The following FRAS1 variants were observed in gnomAD, a reference collection of about 807,000 sequenced individuals.
The protein encoded by FRAS1 is Fraser extracellular matrix complex subunit 1, also known as extracellular matrix organizing protein FRAS1.
A neutral mutation model predicts 435.2 loss-of-function variants in FRAS1; 290 were observed. That is an observed-to-expected ratio of 0.67 (90% CI 0.61 to 0.73). The LOEUF (loss-of-function observed/expected upper bound fraction) is 0.73. Ranked by LOEUF, FRAS1 falls within the 30% of genes least tolerant of loss-of-function variation. The probability of loss-of-function intolerance (pLI) is 0.00; values close to 1 mark genes in which losing one functional copy is unlikely to be tolerated. For missense variants in FRAS1, 4,860 were observed against 5,001.5 expected (o/e 0.97, Z 0.85); for synonymous variants, 1,800 against 1,851.0 (o/e 0.97, Z 0.71).
intron 2 of FRAS1, among the ~76,000 whole-genome samples, chr4:78,180,444 G>A (rs1414321136): frequency 2.0e-5 from 3 of 152,176 alleles, no homozygotes; most frequent in African/African-American, 7.2e-5. Flanking sequence ...ATTAAAGCCA[G>A]TATGTCCAAT....
chr4:78,153,688 T>G (rs981056813), intron 2 of FRAS1, among the ~76,000 whole-genome samples: 2 of 152,170 alleles, frequency 1.3e-5, no homozygotes, highest in Admixed American at 1.3e-4. Flanking sequence ...AGTAAAGCAA[T>G]CCAAGAGAGT....
rs540313284 is a variant in FRAS1, at chr4:78,307,186, A to G, written c.1535-880A>G. On this transcript the variant is annotated intron_variant, in intron 14 of 73. Coordinates refer to ENST00000512123, the MANE Select transcript of FRAS1 (RefSeq NM_025074.7). The stretch of plus-strand genomic sequence containing the variant: ...CCTAGTTAGGCTGCTCGGGGGTCAG[A>G]GGTCAGGGACCCACTTGAGGAGGCA... 7.7e-4 allele frequency among the ~76,000 whole-genome samples: 117 copies of G among 152,252 alleles called. 1 individual carries two copies. Among genetic ancestry groups the G allele is most frequent in the South Asian group, 1.7e-3 (8 of 4,820 alleles).
chr4:78,340,625 T>G (rs1339822571), intron 20 of FRAS1, among the ~76,000 whole-genome samples: 1 of 152,182 alleles, frequency 6.6e-6, no homozygotes, highest in Non-Finnish European at 1.5e-5. Context: ...AATGAAAGTG[T>G]TAGTTTGCTA....
intron 6 of FRAS1, among the ~76,000 whole-genome samples, chr4:78,259,841 G>GAC (rs1357460441): frequency 4.2e-4 from 64 of 151,352 alleles, no homozygotes; most frequent in Admixed American, 1.1e-3. Flanking sequence ...ATGGTTTTAG[G>GAC]TTGAACGTTT....
intron 54 of FRAS1, among the ~76,000 whole-genome samples, chr4:78,477,422 C>T (rs1241564975): frequency 6.6e-6 from 1 of 152,122 alleles, no homozygotes; most frequent in African/African-American, 2.4e-5. Flanking sequence ...AGTAACAGAA[C>T]CAGATCTGAG....
rs1474384508 is a variant in FRAS1, at chr4:78,472,384, T to A, written c.7522+54T>A. ...GGAGAAATCTATGCTAATGTCACAC[T>A]GCCTATCTCCCAGATTCTTCTCACA... On this transcript the variant is annotated intron_variant, in intron 52 of 73. Coordinates refer to ENST00000512123, the MANE Select transcript of FRAS1 (RefSeq NM_025074.7). 5 of 1,462,816 alleles carry A rather than the reference T, an allele frequency of 3.4e-6. No individual in the cohort carries two copies. In the East Asian group the frequency reaches 9.4e-5, roughly 28 times the overall value. The allele number at this position is 1,462,816 out of a possible 1,614,324, so 90.6% of individuals were successfully genotyped here.
chr4:78,085,663 G>A (rs1741112493), intron 2 of FRAS1, among the ~76,000 whole-genome samples: 2 of 151,780 alleles, frequency 1.3e-5, no homozygotes, highest in African/African-American at 2.4e-5. Flanking sequence ...ATAACAGTAT[G>A]TTAAGAGACA....
Position 78,464,101 on chromosome 4 carries a change from C to G in FRAS1, c.6844C>G (p.His2282Asp). Reference sequence around the variant, plus strand: ...TGTCCATTCTAGTGAGGCTGAGAAACATTCAGATGCCTTCAGCTTTACACT... The same window carrying G: ...TGTCCATTCTAGTGAGGCTGAGAAAGATTCAGATGCCTTCAGCTTTACACT... ...QYVHSSEAEK[H>D]SDAFSFTLSD... is the part of the protein sequence containing the mutation. Residue 2282 changes from histidine (H) to aspartate (D), a missense_variant, in exon 48 of 74, where the codon CAT becomes GAT. His to Asp is a moderately conservative substitution (Grantham distance 81, BLOSUM62 -1). Coordinates refer to ENST00000512123, the MANE Select transcript of FRAS1 (RefSeq NM_025074.7). The G allele has an allele frequency of 6.2e-7, 1 of 1,613,604 alleles. No homozygotes were observed. Among genetic ancestry groups the G allele is most frequent in the Non-Finnish European group, 8.5e-7 (1 of 1,179,800 alleles).
chr4:78,221,339 A>G (rs1334933966), intron 2 of FRAS1, among the ~76,000 whole-genome samples: 1 of 152,240 alleles, frequency 6.6e-6, no homozygotes, highest in African/African-American at 2.4e-5. Flanking sequence ...CTGTACGTAC[A>G]CAAAGCTAAC....
intron 2 of FRAS1, among the ~76,000 whole-genome samples, chr4:78,077,273 G>T (rs1183107203): frequency 1.3e-5 from 2 of 152,038 alleles, no homozygotes; most frequent in Non-Finnish European, 1.5e-5. Context: ...GGGCGGCTGA[G>T]GTGGGAGGAT....
chr4:78,419,569 C>G (rs1733686556), intron 33 of FRAS1, among the ~76,000 whole-genome samples: 1 of 152,186 alleles, frequency 6.6e-6, no homozygotes, highest in Non-Finnish European at 1.5e-5. Flanking sequence ...GAACTATAGT[C>G]AGAGGAGATT....
intron 2 of FRAS1, among the ~76,000 whole-genome samples, chr4:78,082,211 C>T (rs939783429): frequency 1.3e-5 from 2 of 152,168 alleles, no homozygotes; most frequent in African/African-American, 4.8e-5. Flanking sequence ...AAAAAATACA[C>T]AAACTCTTCT....
intron 2 of FRAS1, among the ~76,000 whole-genome samples, chr4:78,224,438 T>C (rs1471104350): frequency 1.3e-5 from 2 of 152,218 alleles, no homozygotes; most frequent in African/African-American, 2.4e-5. Flanking sequence ...TATGTCTATG[T>C]ATGTAATATG....
intron 50 of FRAS1, among the ~76,000 whole-genome samples, chr4:78,467,614 G>A (rs193061828): frequency 6.6e-6 from 1 of 152,154 alleles, no homozygotes; most frequent in Non-Finnish European, 1.5e-5. Flanking sequence ...GGATTGTATG[G>A]TAGCTCTATT....
chr4:78,273,936 T>A (rs1726855266), intron 9 of FRAS1, among the ~76,000 whole-genome samples: 1 of 152,234 alleles, frequency 6.6e-6, no homozygotes, highest in Admixed American at 6.5e-5. Context: ...TGTGAATCCA[T>A]CTGGTCCTGG....
At chr4:78,257,219 T>G (rs1725836845) in intron 6 of FRAS1, among the ~76,000 whole-genome samples, 1 of 152,202 alleles carries the variant, frequency 6.6e-6, no homozygotes. Flanking sequence ...CTGTTCTACA[T>G]TGCAATCTCA....
intron 2 of FRAS1, among the ~76,000 whole-genome samples, chr4:78,184,335 T>C (rs62308033): frequency 0.026 from 3,895 of 152,336 alleles, 93 homozygotes; most frequent in Non-Finnish European, 0.042. Flanking sequence ...ATGGATGATA[T>C]GTAAATGAAT....
chr4:78,080,920 C>T (rs1453219252), intron 2 of FRAS1, among the ~76,000 whole-genome samples: 1 of 152,168 alleles, frequency 6.6e-6, no homozygotes, highest in Admixed American at 6.6e-5. Context: ...TGGAGATGGG[C>T]TATGCATCCC....
intron 12 of FRAS1, 24 bp from the exon 13 acceptor site, chr4:78,284,381 C>T: frequency 6.2e-7 from 1 of 1,613,234 alleles, no homozygotes; most frequent in Non-Finnish European, 8.5e-7. Flanking sequence ...ACAGAGTTCT[C>T]CCCTTCTTTG....
Sources: allele counts gnomAD v4.1 joint callset (sites outside exome capture counted in the v4.1 genomes callset), GRCh38; gene constraint gnomAD v4.1.1; transcripts MANE v1.5; gene names NCBI Gene and HGNC (gene_info 2026-07-23, HGNC 2026-07-21).